Variants in KANSL3 observed in about 807,000 individuals in gnomAD.
The protein encoded by KANSL3 is NSL complex protein NSL3.
Under a neutral mutation model 89.2 loss-of-function variants are expected in KANSL3, and 16 were observed. The ratio of observed to expected loss-of-function variants is 0.18; its 90% CI spans 0.12 to 0.27. The LOEUF is 0.27. Among genes scored for constraint, KANSL3 ranks in the 10% least tolerant of loss-of-function variants. The pLI is 1.00. For synonymous variants in KANSL3, 385 were observed against 419.7 expected, an observed-to-expected ratio of 0.92 and a Z score of 1.01; for missense variants, 879 against 1,110.6, an observed-to-expected ratio of 0.79 and a Z score of 2.96.
the KANSL3 span, among the ~76,000 whole-genome samples, chr2:96,585,438 T>G: frequency 6.6e-6 from 1 of 152,142 alleles, no homozygotes; most frequent in Non-Finnish European, 1.5e-5. Flanking sequence ...ACCTTATTCC[T>G]GCGAGAATGG....
intron 5 of KANSL3, among the ~76,000 whole-genome samples, chr2:96,614,211 G>C (rs1457067288): frequency 1.3e-5 from 2 of 152,066 alleles, no homozygotes; most frequent in Non-Finnish European, 2.9e-5. Flanking sequence ...TTGTTTCTCA[G>C]CCTCCCAAGT....
At chr2:96,606,273 T>C (rs1464001712) in intron 14 of KANSL3, 1 of 152,520 alleles carries the variant, frequency 6.6e-6, no homozygotes, top group Non-Finnish European at 1.5e-5. Context: ...TGTTCACACA[T>C]GGGCTTCCAC....
chr2:96,608,914 G>A lies in KANSL3; in HGVS notation c.1534C>T (p.Arg512Ter). The stretch of plus-strand genomic sequence containing the variant: ...AGCTTGGCAGCTGGGGAGGCAGGTC[G>A]ACTGCCCCGCTCAGGGACTTCAAAG... ...LAFEVPERGSRPASPAAKLPA... is the reference protein window; with the variant it reads ...LAFEVPERGS The change falls in exon 13 of 21, where the codon CGA becomes TGA. Residue 512 changes from arginine to a stop codon, truncating the protein, a stop_gained. Transcript: ENST00000431828. LOFTEE classifies it high-confidence loss of function. The A allele has an allele frequency of 6.4e-7, 1 of 1,572,500 alleles. No homozygotes were observed. Among genetic ancestry groups the A allele is most frequent in the Non-Finnish European group, 8.6e-7 (1 of 1,159,028 alleles).
intron 3 of KANSL3, among the ~76,000 whole-genome samples, chr2:96,622,793 T>G (rs1368329518): frequency 6.6e-6 from 1 of 152,190 alleles, no homozygotes; most frequent in East Asian, 1.9e-4. Context: ...CCCCTGCCCT[T>G]GCACACACAA....
At chr2:96,615,649 T>A in intron 5 of KANSL3, 1 of 416,028 alleles carries the variant, frequency 2.4e-6, no homozygotes, top group Non-Finnish European at 4.4e-6. Context: ...ATGCAAGTTG[T>A]AAAACTCCAA....
the KANSL3 span, among the ~76,000 whole-genome samples, chr2:96,583,016 A>G: frequency 5.9e-5 from 9 of 152,198 alleles, no homozygotes; most frequent in Non-Finnish European, 1.5e-5. Flanking sequence ...CTCACTTTCC[A>G]GCTGCAATGG....
intron 3 of KANSL3, among the ~76,000 whole-genome samples, chr2:96,630,074 GA>G (rs2106130406): frequency 6.6e-6 from 1 of 152,246 alleles, no homozygotes; most frequent in Admixed American, 6.5e-5. Flanking sequence ...CTGCTGGTAG[GA>G]ATGTAAAATG....
At chr2:96,620,294 C>T (rs2071008480) in intron 3 of KANSL3, among the ~76,000 whole-genome samples, 1 of 152,158 alleles carries the variant, frequency 6.6e-6, no homozygotes, top group Non-Finnish European at 1.5e-5. Context: ...TCTTCCACTC[C>T]TCAATATTCT....
At chr2:96,616,810 C>G (rs1446977940) in intron 5 of KANSL3, among the ~76,000 whole-genome samples, 2 of 152,168 alleles carry the variant, frequency 1.3e-5, no homozygotes, top group Non-Finnish European at 2.9e-5. Flanking sequence ...AAACACCCAA[C>G]TATGCATGCT....
intron 3 of KANSL3, among the ~76,000 whole-genome samples, chr2:96,626,189 TA>T (rs2072270287): frequency 6.6e-6 from 1 of 152,212 alleles, no homozygotes; most frequent in South Asian, 2.1e-4. Context: ...CAAAGAAGAC[TA>T]ATTAATTCAA....
the KANSL3 span, among the ~76,000 whole-genome samples, chr2:96,583,580 T>A: frequency 6.6e-6 from 1 of 152,200 alleles, no homozygotes. Flanking sequence ...TCCAGGTCAT[T>A]GCATGTCAGT....
chr2:96,628,897 TC>T (rs2072889527), intron 3 of KANSL3, among the ~76,000 whole-genome samples: 1 of 152,130 alleles, frequency 6.6e-6, no homozygotes, highest in South Asian at 2.1e-4. Flanking sequence ...CACTAACTGG[TC>T]TTAATCTCTT....
intron 20 of KANSL3, chr2:96,598,183 T>C (rs931879991): frequency 1.1e-5 from 11 of 970,110 alleles, no homozygotes; most frequent in African/African-American, 1.8e-5. Context: ...CCAAATGGCT[T>C]TGTAGGTCAC....
chr2:96,609,600 C>T (rs1245232609), intron 11 of KANSL3, 38 bp from the exon 12 acceptor site: 3 of 1,489,886 alleles, frequency 2.0e-6, no homozygotes, highest in African/African-American at 1.4e-5. Context: ...ACTTCTTACA[C>T]ATTGCACGGC....
intron 3 of KANSL3, among the ~76,000 whole-genome samples, chr2:96,624,365 T>C (rs1205973749): frequency 6.6e-6 from 1 of 152,206 alleles, no homozygotes; most frequent in Non-Finnish European, 1.5e-5. Context: ...TGGATATATC[T>C]CCATGTTAAT....
downstream of KANSL3, among the ~76,000 whole-genome samples, chr2:96,589,394 T>A (rs529486799): frequency 6.6e-6 from 1 of 151,718 alleles, no homozygotes; most frequent in South Asian, 2.1e-4. Flanking sequence ...CAAAAACAAG[T>A]AGAATGGGTA....
chr2:96,630,695 G>A (rs1317163573), intron 3 of KANSL3, among the ~76,000 whole-genome samples: 1 of 152,164 alleles, frequency 6.6e-6, no homozygotes, highest in African/African-American at 2.4e-5. Context: ...TCCCCAAAAA[G>A]CTGTTATGTA....
intron 17 of KANSL3, 199 bp downstream of exon 17, chr2:96,604,051 T>G: frequency 2.0e-6 from 1 of 502,022 alleles, no homozygotes. Context: ...ACCAGGACAT[T>G]TACTCACTGC....
At position 96,612,335 on chromosome 2, in the gene KANSL3, G is replaced by T; in HGVS notation, c.1033C>A (p.His345Asn). 1.9e-6 allele frequency: 3 copies of T among 1,613,712 alleles called. No individual in the cohort carries two copies. The highest frequency in any genetic ancestry group is 2.5e-6 in the Non-Finnish European group (3 of 1,179,648). ...CAGCCAATCAAGATAATGGGTTTGT[G>T]TGGGAAATGGCTGTGAATCTTCATG... ...KVLEIHSHFP[H>N]KPIILIGWNT... The change falls in exon 9 of 21, where the codon CAC (histidine) becomes AAC (asparagine). Residue 345 changes from histidine (H) to asparagine (N), a missense_variant. Physicochemically the swap from His to Asn is moderately conservative, Grantham distance 68 (BLOSUM62 1). Around this residue, in one of 6 missense-constraint regions of KANSL3, gnomAD observed 198 missense variants for 260.3 expected, o/e 0.76. Transcript: ENST00000431828.
Sources: allele counts gnomAD v4.1 joint callset (sites outside exome capture counted in the v4.1 genomes callset), GRCh38; gene constraint gnomAD v4.1.1; regional missense constraint gnomAD v4.1.1; transcripts MANE v1.5; gene names NCBI Gene and HGNC (gene_info 2026-07-23, HGNC 2026-07-21).